The following SH3BGR variants were observed in gnomAD, a reference collection of about 807,000 sequenced individuals.
SH3BGR encodes the protein SH3 domain binding glutamate rich protein.
SH3BGR carries 29 observed loss-of-function variants against 24.5 expected under a neutral mutation model. The observed-to-expected ratio is 1.18, with a 90% CI of 0.88 to 1.61. The LOEUF (loss-of-function observed/expected upper bound fraction) is 1.61, where lower values mean the gene tolerates loss of function less well. SH3BGR is among the 40% of genes most tolerant of loss of function. SH3BGR has a pLI of 0.00. For synonymous variants in SH3BGR, 55 were observed against 65.7 expected (o/e 0.84, Z 0.79); for missense variants, 162 against 205.8 (o/e 0.79, Z 1.30).
chr21:39,485,894 TAGCC>T (rs913992637), intron 3 of SH3BGR, among the ~76,000 whole-genome samples: 1 of 151,830 alleles, frequency 6.6e-6, no homozygotes, highest in Non-Finnish European at 1.5e-5. Context: ...TTCACTGTGT[TAGCC>T]AGGATGGTCT....
chr21:39,466,205 C>T lies in SH3BGR; in HGVS notation c.231+3645C>T, dbSNP rs188844827. Among the ~76,000 whole-genome samples the T allele has an allele frequency of 7.2e-5, 11 of 152,274 alleles. No homozygotes were observed. The East Asian group carries it at 1.9e-3, about 27-fold the overall frequency. On this transcript the variant is annotated intron_variant, in intron 2 of 6. Coordinates refer to ENST00000333634, the MANE Select transcript of SH3BGR (RefSeq NM_007341.3). ...CTGAGTTTGAGAGTGGCTAGTTCTC[C>T]GTGACTTTGACAACACTGTGCATAG...
intron 2 of SH3BGR, among the ~76,000 whole-genome samples, chr21:39,468,442 G>A (rs1019328254): frequency 3.9e-5 from 6 of 152,124 alleles, no homozygotes; most frequent in African/African-American, 1.4e-4. Flanking sequence ...CTCTGCACCA[G>A]TGATAGTCAT....
At chr21:39,465,944 C>T (rs552316236) in intron 2 of SH3BGR, among the ~76,000 whole-genome samples, 108 of 152,194 alleles carry the variant, frequency 7.1e-4, no homozygotes, top group African/African-American at 2.6e-3. Context: ...AATTTTTTGG[C>T]TTGGTCCTCT....
chr21:39,509,789 T>A (rs991614410), intron 5 of SH3BGR, among the ~76,000 whole-genome samples: 7 of 151,834 alleles, frequency 4.6e-5, no homozygotes, highest in African/African-American at 1.7e-4. Context: ...TTAATCACTT[T>A]AAAATGCTAG....
chr21:39,510,099 C>T (rs1369274695), intron 5 of SH3BGR, among the ~76,000 whole-genome samples: 4 of 145,358 alleles, frequency 2.8e-5, no homozygotes, highest in East Asian at 2.0e-4. Context: ...CCCGCCACCG[C>T]GCCCGGCTAA....
In SH3BGR at chr21:39,476,473, T is replaced by G. The variant is rs954537674; in HGVS notation, c.312+1258T>G. The stretch of plus-strand genomic sequence containing the variant: ...GAGGGACTATGCATAGACAATTATT[T>G]TGGGGGAATTTTCCCACAGAGTGAA... On this transcript the variant is annotated intron_variant, in intron 3 of 6. Transcript: ENST00000333634. Among the ~76,000 whole-genome samples, 8 of 152,142 alleles carry G rather than the reference T, an allele frequency of 5.3e-5. No homozygotes were observed. In the South Asian group the frequency reaches 1.0e-3, roughly 20 times the overall value.
intron 4 of SH3BGR, among the ~76,000 whole-genome samples, chr21:39,505,746 C>T (rs908876423): frequency 6.6e-6 from 1 of 151,904 alleles, no homozygotes; most frequent in Admixed American, 6.6e-5. Context: ...GTCTGGGCAA[C>T]GAGAGCAAAA....
At chr21:39,489,664 G>T (rs910174131) in intron 3 of SH3BGR, among the ~76,000 whole-genome samples, 5 of 152,210 alleles carry the variant, frequency 3.3e-5, no homozygotes, top group Admixed American at 2.0e-4. Flanking sequence ...AACCCTGGCT[G>T]CACATTAGAA....
intron 4 of SH3BGR, among the ~76,000 whole-genome samples, chr21:39,505,893 CATTT>C (rs1270442045): frequency 1.2e-4 from 19 of 152,198 alleles, no homozygotes; most frequent in Admixed American, 1.2e-3. Flanking sequence ...CTGGTTAATT[CATTT>C]GTTTCAACTG....
chr21:39,470,598 C>T (rs1010982140), intron 2 of SH3BGR, among the ~76,000 whole-genome samples: 17 of 152,170 alleles, frequency 1.1e-4, no homozygotes, highest in Non-Finnish European at 2.4e-4. Flanking sequence ...GACACTTTCA[C>T]CCTAATCACT....
intron 3 of SH3BGR, chr21:39,488,315 G>T: frequency 4.9e-6 from 1 of 203,880 alleles, no homozygotes; most frequent in South Asian, 9.9e-5. Flanking sequence ...GAGCAGAGCT[G>T]AGCAGTCCGA....
chr21:39,494,228 TTCC>T (rs57101991), intron 3 of SH3BGR, among the ~76,000 whole-genome samples: 57,403 of 127,988 alleles, frequency 0.45, 13,637 homozygotes, highest in East Asian at 0.62. Flanking sequence ...AACAGTCTTC[TTCC>T]TCTTCTTCTT....
chr21:39,513,345 C>G (rs1204465623), intron 6 of SH3BGR, among the ~76,000 whole-genome samples: 1 of 152,116 alleles, frequency 6.6e-6, no homozygotes, highest in Non-Finnish European at 1.5e-5. Flanking sequence ...CTTTGGTGCT[C>G]TTTAAAAATT....
chr21:39,447,455 G>A (rs2077515322), upstream of SH3BGR, among the ~76,000 whole-genome samples: 1 of 123,378 alleles, frequency 8.1e-6, no homozygotes, highest in South Asian at 2.5e-4. Context: ...TCACTCTATC[G>A]CTCAGGCTGG....
chr21:39,481,318 A>G (rs2078127524), intron 3 of SH3BGR, among the ~76,000 whole-genome samples: 2 of 152,172 alleles, frequency 1.3e-5, no homozygotes, highest in South Asian at 4.1e-4. Flanking sequence ...ACAAAAACAA[A>G]CAAACTCCTA....
intron 2 of SH3BGR, among the ~76,000 whole-genome samples, chr21:39,473,620 C>T (rs2077977355): frequency 1.3e-5 from 2 of 152,120 alleles, no homozygotes; most frequent in African/African-American, 2.4e-5. Flanking sequence ...CATGGTGGCT[C>T]ACGCCTGTAA....
chr21:39,470,632 C>T (rs1051058740), intron 2 of SH3BGR, among the ~76,000 whole-genome samples: 4 of 152,284 alleles, frequency 2.6e-5, no homozygotes, highest in African/African-American at 9.6e-5. Flanking sequence ...TTTGGTTTTT[C>T]AGTATTTCAG....
chr21:39,471,224 C>G (rs4389391), intron 2 of SH3BGR, among the ~76,000 whole-genome samples: 135,416 of 152,092 alleles, frequency 0.89, 60,295 homozygotes, highest in Middle Eastern at 0.89. Flanking sequence ...TATTTATCTA[C>G]TTTAGAATTA....
upstream of SH3BGR, among the ~76,000 whole-genome samples, chr21:39,451,504 A>G (rs1569145951): frequency 1.3e-5 from 2 of 152,220 alleles, no homozygotes; most frequent in Non-Finnish European, 2.9e-5. Flanking sequence ...GTTTACTTAA[A>G]AAATTTTTTT....
Sources: allele counts gnomAD v4.1 joint callset (sites outside exome capture counted in the v4.1 genomes callset), GRCh38; gene constraint gnomAD v4.1.1; transcripts MANE v1.5; gene names NCBI Gene and HGNC (gene_info 2026-07-23, HGNC 2026-07-21).